Variants in TMEM245 observed in about 807,000 individuals in gnomAD.
TMEM245 encodes protein CG-2.
A neutral mutation model predicts 101.2 loss-of-function variants in TMEM245; 69 were observed. The observed-to-expected ratio is 0.68, with a 90% CI of 0.56 to 0.83. The LOEUF is 0.83. Ranked by LOEUF, TMEM245 falls within the 40% of genes least tolerant of loss-of-function variation. The probability of loss-of-function intolerance (pLI) is 0.00; values close to 1 mark genes in which losing one functional copy is unlikely to be tolerated. For missense variants in TMEM245, 1,075 were observed against 1,092.8 expected (o/e 0.98, Z 0.23); for synonymous variants, 537 against 449.8 (o/e 1.19, Z -2.45).
intron 17 of TMEM245, among the ~76,000 whole-genome samples, chr9:109,027,965 ACCCAC>A (rs1319229125): frequency 1.3e-5 from 2 of 150,748 alleles, no homozygotes; most frequent in South Asian, 4.3e-4. Context: ...TACAGGCGTG[ACCCAC>A]CGCACCCGGC....
chr9:109,031,916 A>T (rs549709342), intron 17 of TMEM245, among the ~76,000 whole-genome samples: 3 of 152,252 alleles, frequency 2.0e-5, no homozygotes, highest in African/African-American at 7.2e-5. Flanking sequence ...TTGCAACTCT[A>T]TATTGGTGTC....
chr9:109,053,743 C>G (rs1467697923), intron 12 of TMEM245, among the ~76,000 whole-genome samples: 1 of 152,224 alleles, frequency 6.6e-6, no homozygotes, highest in Non-Finnish European at 1.5e-5. Context: ...TAAGAGCCAT[C>G]AGCCCACCTT....
At chr9:109,099,330 G>T (rs569093519) in intron 3 of TMEM245, among the ~76,000 whole-genome samples, 1 of 152,250 alleles carries the variant, frequency 6.6e-6, no homozygotes, top group African/African-American at 2.4e-5. Context: ...TCCAATTTGG[G>T]CTTGACTGAA....
chr9:109,043,221 T>A (rs1295172199), intron 14 of TMEM245, among the ~76,000 whole-genome samples: 1 of 152,230 alleles, frequency 6.6e-6, no homozygotes, highest in African/African-American at 2.4e-5. Flanking sequence ...CTTCCCTGTC[T>A]TACTATCTAT....
intron 7 of TMEM245, among the ~76,000 whole-genome samples, chr9:109,081,913 TGATA>T (rs10528411): frequency 0.13 from 20,259 of 152,148 alleles, 1,560 homozygotes; most frequent in African/African-American, 0.19. Flanking sequence ...AATATATACT[TGATA>T]GATTGCTAGA....
intron 14 of TMEM245, chr9:109,038,707 GGAAAAAAAATAT>G (rs1425670292): frequency 3.3e-5 from 5 of 151,770 alleles, no homozygotes; most frequent in African/African-American, 1.2e-4. Context: ...AGAATTTGTG[GGAAAAAAAATAT>G]TCCTAACTCC....
At chr9:109,109,087 C>G (rs1830503072) in intron 1 of TMEM245, among the ~76,000 whole-genome samples, 1 of 152,000 alleles carries the variant, frequency 6.6e-6, no homozygotes, top group African/African-American at 2.4e-5. Flanking sequence ...GAAGTGTGAC[C>G]CTGCTGAAAT....
intron 17 of TMEM245, among the ~76,000 whole-genome samples, chr9:109,032,155 A>T (rs1209304817): frequency 6.6e-6 from 1 of 152,112 alleles, no homozygotes; most frequent in Non-Finnish European, 1.5e-5. Flanking sequence ...ACAGAACCAA[A>T]ATATCATTGG....
intron 14 of TMEM245, among the ~76,000 whole-genome samples, chr9:109,041,145 GAAGA>G (rs1190838512): frequency 6.6e-6 from 1 of 152,120 alleles, no homozygotes; most frequent in Non-Finnish European, 1.5e-5. Flanking sequence ...ATGCTGGCAG[GAAGA>G]ACAATTCAAC....
At chr9:109,055,973 G>A (rs1158461030) in intron 12 of TMEM245, among the ~76,000 whole-genome samples, 1 of 151,904 alleles carries the variant, frequency 6.6e-6, no homozygotes, top group East Asian at 1.9e-4. Flanking sequence ...CTATTTCTCA[G>A]GAGAAAAAGA....
intron 8 of TMEM245, among the ~76,000 whole-genome samples, chr9:109,074,161 G>C (rs1173346404): frequency 1.3e-5 from 2 of 152,040 alleles, no homozygotes; most frequent in Non-Finnish European, 2.9e-5. Flanking sequence ...TAAGTAAACT[G>C]CAACTAAGTA....
At chr9:109,102,605 T>C (rs962648520) in intron 3 of TMEM245, among the ~76,000 whole-genome samples, 3 of 149,090 alleles carry the variant, frequency 2.0e-5, no homozygotes, top group African/African-American at 7.5e-5. Context: ...ATGTTCACTG[T>C]GATCTAGTTT....
At chr9:109,097,044 G>A (rs1013661929) in intron 3 of TMEM245, among the ~76,000 whole-genome samples, 15 of 152,220 alleles carry the variant, frequency 9.9e-5, no homozygotes, top group Admixed American at 5.9e-4. Context: ...AGTGTAAACT[G>A]TTAGGGAGCA....
At chr9:109,097,057 G>A (rs982341174) in intron 3 of TMEM245, among the ~76,000 whole-genome samples, 3 of 152,198 alleles carry the variant, frequency 2.0e-5, no homozygotes, top group East Asian at 1.9e-4. Context: ...AGGGAGCAGC[G>A]TGGAAATCAA....
chr9:109,050,600 C>T lies in TMEM245; in HGVS notation c.1947G>A (p.Gly649=). The T allele has an allele frequency of 6.2e-7, 1 of 1,613,704 alleles. No individual in the cohort carries two copies. Among genetic ancestry groups the T allele is most frequent in the Non-Finnish European group, 8.5e-7 (1 of 1,179,936 alleles). ...AGAGTACAAAATTGAGAAGGGCTGT[C>T]CCGCTGTAGAAGAGGATGGTCAAGA... ...TTLLTILFYS[G]TALLNFVLSL... The change falls in exon 13 of 18, where the codon GGG becomes GGA. Residue 649 remains glycine, a synonymous_variant. Transcript: ENST00000374586.
intron 16 of TMEM245, among the ~76,000 whole-genome samples, chr9:109,034,927 C>T (rs1208432593): frequency 6.6e-6 from 1 of 151,966 alleles, no homozygotes; most frequent in African/African-American, 2.4e-5. Context: ...GAGGCCAAGG[C>T]AGGCGGATCA....
At chr9:109,077,155 TTTTG>T (rs1283999217) in intron 8 of TMEM245, among the ~76,000 whole-genome samples, 18 of 151,772 alleles carry the variant, frequency 1.2e-4, no homozygotes, top group Admixed American at 1.1e-3. Context: ...CGTGTTTCGT[TTTTG>T]TTTTCTTTTG....
At chr9:109,104,868 G>A (rs548984565) in intron 3 of TMEM245, among the ~76,000 whole-genome samples, 69 of 152,074 alleles carry the variant, frequency 4.5e-4, no homozygotes, top group African/African-American at 1.4e-3. Flanking sequence ...ATTTCAAAAC[G>A]GATCAATGAC....
chr9:109,117,663 A>T (rs1475908188), intron 1 of TMEM245, among the ~76,000 whole-genome samples: 1 of 152,220 alleles, frequency 6.6e-6, no homozygotes, highest in Non-Finnish European at 1.5e-5. Flanking sequence ...CCTCATAATC[A>T]TGCCAAATTA....
Sources: allele counts gnomAD v4.1 joint callset (sites outside exome capture counted in the v4.1 genomes callset), GRCh38; gene constraint gnomAD v4.1.1; transcripts MANE v1.5; gene names NCBI Gene and HGNC (gene_info 2026-07-23, HGNC 2026-07-21).